ATP1B2: variants seen among roughly 807,000 people sequenced by gnomAD.
ATP1B2 encodes sodium/potassium-transporting ATPase subunit beta-2.
Under a neutral mutation model 37.3 loss-of-function variants are expected in ATP1B2, and 12 were observed. The ratio of observed to expected loss-of-function variants is 0.32; its 90% CI spans 0.21 to 0.52. ATP1B2 has a LOEUF of 0.52. Among genes scored for constraint, ATP1B2 ranks in the 20% least tolerant of loss-of-function variants. The pLI is 0.96. For missense variants in ATP1B2, 324 were observed against 391.6 expected, an observed-to-expected ratio of 0.83 and a Z score of 1.46; for synonymous variants, 139 against 140.5, an observed-to-expected ratio of 0.99 and a Z score of 0.07.
upstream of ATP1B2, among the ~76,000 whole-genome samples, chr17:7,647,814 G>A (rs1292982644): frequency 3.8e-5 from 4 of 106,100 alleles, no homozygotes; most frequent in Admixed American, 1.1e-4. Flanking sequence ...GTGAGACTCC[G>A]TCTCAAAAAA....
At chr17:7,650,506 C>G (rs920494758), upstream of ATP1B2, among the ~76,000 whole-genome samples, 12 of 152,166 alleles carry the variant, frequency 7.9e-5, no homozygotes, top group African/African-American at 2.7e-4. Flanking sequence ...CGCTCTCTTT[C>G]TTGATCTCTA....
At chr17:7,652,540 G>T (rs1175140698) in intron 1 of ATP1B2, among the ~76,000 whole-genome samples, 1 of 152,160 alleles carries the variant, frequency 6.6e-6, no homozygotes, top group Admixed American at 6.5e-5. Flanking sequence ...TGGGTCCCAT[G>T]CAATCCATTC....
Position 7,654,301 on chromosome 17 carries a change from G to C in ATP1B2, c.552+44G>C. Reference sequence around the variant, plus strand: ...CCCAGGGTGAATGGAGGAAGGATCTGGGGACACCACCTGCAGACAATTGCA... The same window carrying C: ...CCCAGGGTGAATGGAGGAAGGATCTCGGGACACCACCTGCAGACAATTGCA... On this transcript the variant is annotated intron_variant, in intron 4 of 6. Transcript: ENST00000250111. This position sits in a 1 kb window ranked among gnomAD's most constrained non-coding sequence, Gnocchi z 4.9. 1 of 1,597,710 alleles carries C rather than the reference G, an allele frequency of 6.3e-7. No homozygotes were observed. The highest frequency in any genetic ancestry group is 8.6e-7 in the Non-Finnish European group (1 of 1,166,966).
chr17:7,654,022 C>T lies in ATP1B2; in HGVS notation c.347-30C>T, dbSNP rs763876172. The stretch of plus-strand genomic sequence containing the variant: ...GGGACCTTGGAAGTGGAACATCTGG[C>T]CCCTGAGTCTCTCCCTCCCACCTCT... On this transcript the variant is annotated intron_variant, in intron 3 of 6. Transcript: ENST00000250111. The surrounding 1 kb of genome is among the most constrained non-coding windows in gnomAD (Gnocchi z 4.9). 1.9e-6 allele frequency: 3 copies of T among 1,613,166 alleles called. No individual in the cohort carries two copies. In the South Asian group the frequency reaches 3.3e-5, roughly 18 times the overall value.
rs2072610836 is a variant in ATP1B2, at chr17:7,651,347, G to A, written c.-172G>A. The A allele has an allele frequency of 3.3e-6, 2 of 612,622 alleles. No individual in the cohort carries two copies. The highest frequency in any genetic ancestry group is 1.9e-5 in the African/African-American group (1 of 53,554). 37.9% of individuals were successfully genotyped at this position (612,622 alleles called of 1,614,324 possible). A position where few individuals can be genotyped will look rare whatever the true frequency, so the allele number is the denominator to read the frequency against. On this transcript the variant is annotated 5_prime_UTR_variant, in exon 1 of 7. Coordinates refer to ENST00000250111, the MANE Select transcript of ATP1B2 (RefSeq NM_001678.5). ...CGCCGCGCTGCCAGCACCCCGCAGC[G>A]CGTGGTCGTGCACCCCGGAATCTGC... is the stretch of plus-strand genomic sequence containing the variant.
At position 7,651,363 on chromosome 17, in the gene ATP1B2, C is replaced by T; in HGVS notation, c.-156C>T. On this transcript the variant is annotated 5_prime_UTR_variant, in exon 1 of 7. Transcript: ENST00000250111. ...CCCCGCAGCGCGTGGTCGTGCACCC[C>T]GGAATCTGCAGCAGCTGCATATCTG... 4 of 669,752 alleles carry T rather than the reference C, an allele frequency of 6.0e-6. No homozygotes were observed. Among genetic ancestry groups the T allele is most frequent in the South Asian group, 1.8e-5 (1 of 56,954 alleles). The allele number at this position is 669,752 out of a possible 1,614,324, so 41.5% of individuals were successfully genotyped here.
chr17:7,655,093 C>T lies in ATP1B2; in HGVS notation c.609+409C>T, dbSNP rs111769652. ...GCTGATCTGTTAGCACCATCTGCCACCAGTTCGTTGTCCTTGGGACCCTGT... is the reference window on the plus strand; with the variant it reads ...GCTGATCTGTTAGCACCATCTGCCATCAGTTCGTTGTCCTTGGGACCCTGT... On this transcript the variant is annotated intron_variant, in intron 5 of 6. Coordinates refer to ENST00000250111, the MANE Select transcript of ATP1B2 (RefSeq NM_001678.5). This position sits in a 1 kb window ranked among gnomAD's most constrained non-coding sequence, Gnocchi z 4.4. 5.7e-4 allele frequency: 174 copies of T among 307,516 alleles called. 2 individuals are homozygous for T. The highest frequency in any genetic ancestry group is 3.4e-3 in the African/African-American group (160 of 46,380). 19.0% of individuals were successfully genotyped at this position (307,516 alleles called of 1,614,324 possible). A position where few individuals can be genotyped will look rare whatever the true frequency, so the allele number is the denominator to read the frequency against.
chr17:7,647,945 G>A (rs2072585020), upstream of ATP1B2, among the ~76,000 whole-genome samples: 1 of 152,066 alleles, frequency 6.6e-6, no homozygotes, highest in African/African-American at 2.4e-5. Context: ...GGTCGTTCAT[G>A]GACATGCTGG....
At chr17:7,650,280 G>A (rs1368259512), upstream of ATP1B2, among the ~76,000 whole-genome samples, 1 of 152,156 alleles carries the variant, frequency 6.6e-6, no homozygotes, top group Non-Finnish European at 1.5e-5. Flanking sequence ...TGTTGAGAGG[G>A]CTTCAGGGAG....
chr17:7,653,122 C>G (rs1445108917), intron 1 of ATP1B2, among the ~76,000 whole-genome samples: 2 of 152,194 alleles, frequency 1.3e-5, no homozygotes, highest in Non-Finnish European at 2.9e-5. Flanking sequence ...GGCAAAATAA[C>G]AGACCTCCAC....
Position 7,651,412 on chromosome 17 carries a change from C to T in ATP1B2, c.-107C>T. The T allele has an allele frequency of 4.9e-6, 5 of 1,017,058 alleles. No homozygotes were observed. Among genetic ancestry groups the T allele is most frequent in the Non-Finnish European group, 4.4e-6 (3 of 677,820 alleles). 63.0% of individuals were successfully genotyped at this position (1,017,058 alleles called of 1,614,324 possible). A position where few individuals can be genotyped will look rare whatever the true frequency, so the allele number is the denominator to read the frequency against. ...TGAGGGGGGTCTCCTTTGCCCGCGC[C>T]GCCTTCGCTCCCCGTGCTTTTGGGT... On this transcript the variant is annotated 5_prime_UTR_variant, in exon 1 of 7. Coordinates refer to ENST00000250111, the MANE Select transcript of ATP1B2 (RefSeq NM_001678.5).
chr17:7,655,224 G>T lies in ATP1B2; in HGVS notation c.610-303G>T. The T allele has an allele frequency of 2.1e-6, 1 of 468,042 alleles. No homozygotes were observed. Among genetic ancestry groups the T allele is most frequent in the South Asian group, 2.8e-5 (1 of 35,558 alleles). 29.0% of individuals were successfully genotyped at this position (468,042 alleles called of 1,614,324 possible). ...TTAATCATGTATCTCTTCTTTCTTG[G>T]CTCTGCTCCAGAAACTGATTCCTGA... On this transcript the variant is annotated intron_variant, in intron 5 of 6. Transcript: ENST00000250111. This position sits in a 1 kb window ranked among gnomAD's most constrained non-coding sequence, Gnocchi z 4.4.
rs776814725 is a variant in ATP1B2, at chr17:7,653,439, T to G, written c.178T>G (p.Trp60Gly). ...CACCGCCATGTTCACCCTCACCATG[T>G]GGGTGATGCTGCAGACTGTCTCCGA... The part of the protein sequence containing the change: ...FLTAMFTLTM[W>G]VMLQTVSDHT... The change falls in exon 2 of 7, where the codon TGG becomes GGG. Residue 60 changes from tryptophan to glycine, a missense_variant. By Grantham distance (184) the Trp-to-Gly change is radical. Coordinates refer to ENST00000250111, the MANE Select transcript of ATP1B2 (RefSeq NM_001678.5). 1 of 1,614,094 alleles carries G rather than the reference T, an allele frequency of 6.2e-7. No homozygotes were observed. The highest frequency in any genetic ancestry group is 8.5e-7 in the Non-Finnish European group (1 of 1,179,970).
Position 7,654,001 on chromosome 17 carries a change from C to T in ATP1B2, c.347-51C>T, listed in dbSNP as rs1253699348. ...AAGACTTCGGGCAGGGGACTGGGGA[C>T]CTTGGAAGTGGAACATCTGGCCCCT... On this transcript the variant is annotated intron_variant, in intron 3 of 6. Transcript: ENST00000250111. This position sits in a 1 kb window ranked among gnomAD's most constrained non-coding sequence, Gnocchi z 4.9. 6.2e-7 allele frequency: 1 copy of T among 1,612,886 alleles called. No individual in the cohort carries two copies. Among genetic ancestry groups the T allele is most frequent in the Non-Finnish European group, 8.5e-7 (1 of 1,178,922 alleles).
Position 7,654,832 on chromosome 17 carries a change from T to C in ATP1B2, c.609+148T>C. 1.1e-6 allele frequency: 1 copy of C among 871,984 alleles called. No individual in the cohort carries two copies. The highest frequency in any genetic ancestry group is 1.8e-6 in the Non-Finnish European group (1 of 554,324). 54.0% of individuals were successfully genotyped at this position (871,984 alleles called of 1,614,324 possible). ...AGAAACAAGGGGGTAAGAGTGGGCTTTTGGGCTCCACTGTAGCTTGAACTC... is the reference window on the plus strand; with the variant it reads ...AGAAACAAGGGGGTAAGAGTGGGCTCTTGGGCTCCACTGTAGCTTGAACTC... On this transcript the variant is annotated intron_variant, in intron 5 of 6. Coordinates refer to ENST00000250111, the MANE Select transcript of ATP1B2 (RefSeq NM_001678.5). This position sits in a 1 kb window ranked among gnomAD's most constrained non-coding sequence, Gnocchi z 4.9.
rs745426143 is a variant in ATP1B2, at chr17:7,655,831, C to A, written c.809C>A (p.Thr270Lys). 3 of 1,614,150 alleles carry A rather than the reference C, an allele frequency of 1.9e-6. No individual in the cohort carries two copies. The highest frequency in any genetic ancestry group is 2.5e-6 in the Non-Finnish European group (3 of 1,180,030). Residue 270 changes from threonine to lysine, a missense_variant, in exon 7 of 7, where the codon ACA becomes AAA. By Grantham distance (78) the Thr-to-Lys change is moderately conservative (BLOSUM62 -1). Transcript: ENST00000250111. This position sits in a 1 kb window ranked among gnomAD's most constrained non-coding sequence, Gnocchi z 4.4. ...ECRINAANIATDDERDKFAGR... is the reference protein window; with the variant it reads ...ECRINAANIAKDDERDKFAGR... ...CGCATCAACGCCGCCAACATCGCCACAGACGATGAGCGAGACAAGTTCGCC... is the reference window on the plus strand; with the variant it reads ...CGCATCAACGCCGCCAACATCGCCAAAGACGATGAGCGAGACAAGTTCGCC...
chr17:7,653,344 G>A, intron 1 of ATP1B2, 30 bp from the exon 2 acceptor site: 4 of 1,613,462 alleles, frequency 2.5e-6, no homozygotes, highest in South Asian at 1.1e-5. Flanking sequence ...GGAACCTTGG[G>A]CCCTGCTGAC....
Position 7,655,270 on chromosome 17 carries a change from G to T in ATP1B2, c.610-257G>T. 3.6e-6 allele frequency: 2 copies of T among 553,246 alleles called. No individual in the cohort carries two copies. The highest frequency in any genetic ancestry group is 4.8e-4 in the Middle Eastern group (1 of 2,088). 34.3% of individuals were successfully genotyped at this position (553,246 alleles called of 1,614,324 possible). A position where few individuals can be genotyped will look rare whatever the true frequency, so the allele number is the denominator to read the frequency against. On this transcript the variant is annotated intron_variant, in intron 5 of 6. Coordinates refer to ENST00000250111, the MANE Select transcript of ATP1B2 (RefSeq NM_001678.5). The surrounding 1 kb of genome is among the most constrained non-coding windows in gnomAD (Gnocchi z 4.4). Reference sequence around the variant, plus strand: ...CCTGAGGATGGGGTAAGAACTTGGGGTAGGAGTGGAGTAGGAGGCTTTCGT... The same window carrying T: ...CCTGAGGATGGGGTAAGAACTTGGGTTAGGAGTGGAGTAGGAGGCTTTCGT...
intron 1 of ATP1B2, 70 bp downstream of exon 1, chr17:7,651,700 C>T: frequency 1.5e-6 from 2 of 1,369,322 alleles, no homozygotes; most frequent in Non-Finnish European, 2.0e-6. Context: ...CAGGGTCCCG[C>T]CGACGCGGCC....
Sources: gnomAD v4.1 joint callset for allele counts (sites outside exome capture counted in the v4.1 genomes callset) on GRCh38, gnomAD v4.1.1 for gene constraint, Gnocchi (gnomAD v3.1) non-coding constraint, MANE v1.5 for transcripts, NCBI Gene and HGNC (gene_info 2026-07-23, HGNC 2026-07-21) for gene names.